Variants in UNC5C observed in about 807,000 individuals in gnomAD.
UNC5C encodes the protein netrin receptor UNC5C.
Under a neutral mutation model 99.8 loss-of-function variants are expected in UNC5C, and 47 were observed. The observed-to-expected ratio is 0.47, with a 90% confidence interval of 0.37 to 0.60. The LOEUF (loss-of-function observed/expected upper bound fraction) is 0.60, where lower values mean the gene tolerates loss of function less well. Ranked by LOEUF, UNC5C falls within the 20% of genes least tolerant of loss-of-function variation. The pLI is 0.00. For missense variants in UNC5C, 1,062 were observed against 1,165.9 expected (o/e 0.91, Z 1.30); for synonymous variants, 487 against 452.2 (o/e 1.08, Z -0.98).
intron 12 of UNC5C, among the ~76,000 whole-genome samples, chr4:95,187,200 T>G (rs528601193): frequency 6.6e-6 from 1 of 151,876 alleles, no homozygotes; most frequent in Admixed American, 6.5e-5. Flanking sequence ...GATGTTTGTT[T>G]ATAAGCCATT....
chr4:95,219,090 C>T lies in UNC5C; in HGVS notation c.1524G>A (p.Ser508=), dbSNP rs147827953. Residue 508 remains serine (S), a synonymous_variant, in exon 9 of 16, where the codon TCG becomes TCA. Transcript: ENST00000453304. ...GGCTGAGGGCTTCATTCTCCAACAA[C>T]GACTGGGTCATCTGAGGGGACAGCT... ...TSKLSPQMTQ[S]LLENEALSLK... The T allele has an allele frequency of 3.5e-4, 573 of 1,614,138 alleles. 2 individuals are homozygous for T. Among genetic ancestry groups the T allele is most frequent in the Middle Eastern group, 2.3e-3 (14 of 6,062 alleles).
chr4:95,528,467 A>G (rs142783693), intron 1 of UNC5C, among the ~76,000 whole-genome samples: 6 of 152,304 alleles, frequency 3.9e-5, no homozygotes, highest in Non-Finnish European at 8.8e-5. Flanking sequence ...CAGAGGACCA[A>G]TGAGACCATT....
intron 12 of UNC5C, among the ~76,000 whole-genome samples, chr4:95,193,590 C>T (rs985872543): frequency 6.6e-6 from 1 of 152,162 alleles, no homozygotes; most frequent in Non-Finnish European, 1.5e-5. Flanking sequence ...TTCTTCTGTT[C>T]ATTATCATGT....
At chr4:95,409,730 G>A (rs1421977731) in intron 1 of UNC5C, among the ~76,000 whole-genome samples, 1 of 152,134 alleles carries the variant, frequency 6.6e-6, no homozygotes, top group Non-Finnish European at 1.5e-5. Context: ...CACCCACTCT[G>A]CCCACCATTC....
At chr4:95,505,651 G>A (rs1342070737) in intron 1 of UNC5C, among the ~76,000 whole-genome samples, 1 of 152,044 alleles carries the variant, frequency 6.6e-6, no homozygotes, top group African/African-American at 2.4e-5. Context: ...GAAGCACATT[G>A]CATTTTTGTT....
Position 95,166,887 on chromosome 4 carries a change from CTTG to C in UNC5C, c.*2344_*2346del, listed in dbSNP as rs1385751214. Reference sequence around the variant, plus strand: ...CTCATTGCTACAAACATCCACTGAACTTGTTTATAGTGCAATCTCTCCCTTCCC... The same window carrying C: ...CTCATTGCTACAAACATCCACTGAACTTTATAGTGCAATCTCTCCCTTCCC... On this transcript the variant is annotated 3_prime_UTR_variant, in exon 16 of 16. Transcript: ENST00000453304. The C allele has an allele frequency of 6.6e-6, 1 of 152,096 alleles. No homozygotes were observed. Among genetic ancestry groups the C allele is most frequent in the Non-Finnish European group, 1.5e-5 (1 of 68,020 alleles). The allele number at this position is 152,096 out of a possible 1,614,324, so 9.4% of individuals were successfully genotyped here. A position where few individuals can be genotyped will look rare whatever the true frequency, so the allele number is the denominator to read the frequency against.
At chr4:95,171,806 G>A (rs1229793972) in intron 14 of UNC5C, among the ~76,000 whole-genome samples, 81 of 151,690 alleles carry the variant, frequency 5.3e-4, no homozygotes, top group South Asian at 5.0e-3. Flanking sequence ...TCCCTGAGGA[G>A]TCGCCACACT....
chr4:95,427,987 C>A (rs1250350787), intron 1 of UNC5C, among the ~76,000 whole-genome samples: 2 of 151,928 alleles, frequency 1.3e-5, no homozygotes, highest in Non-Finnish European at 1.5e-5. Flanking sequence ...AATTTGTATT[C>A]ATGACTACCA....
At chr4:95,408,667 T>G (rs1388208316) in intron 1 of UNC5C, among the ~76,000 whole-genome samples, 2 of 152,204 alleles carry the variant, frequency 1.3e-5, no homozygotes, top group East Asian at 3.8e-4. Context: ...CTGAAATATT[T>G]GTGCTTAGGG....
intron 5 of UNC5C, 151 bp from the exon 6 acceptor site, chr4:95,245,295 G>A: frequency 2.3e-6 from 2 of 877,254 alleles, no homozygotes; most frequent in East Asian, 3.0e-5. Flanking sequence ...AAGAGACCAT[G>A]GACCTCATTT....
intron 7 of UNC5C, among the ~76,000 whole-genome samples, chr4:95,234,756 C>T (rs74931143): frequency 0.039 from 5,981 of 152,090 alleles, 141 homozygotes; most frequent in Middle Eastern, 0.099. Flanking sequence ...TTTTTCAGGC[C>T]AGTGAGACTT....
intron 1 of UNC5C, among the ~76,000 whole-genome samples, chr4:95,403,412 T>C (rs1352486860): frequency 3.9e-5 from 6 of 152,126 alleles, no homozygotes; most frequent in Admixed American, 3.9e-4. Flanking sequence ...AGTGTGGAGA[T>C]GACAAGAAGG....
chr4:95,191,616 C>T (rs1224780152), intron 12 of UNC5C, among the ~76,000 whole-genome samples: 3 of 151,012 alleles, frequency 2.0e-5, no homozygotes, highest in Admixed American at 2.0e-4. Flanking sequence ...CTTCCCTGCT[C>T]GCACTCCTCT....
intron 3 of UNC5C, among the ~76,000 whole-genome samples, chr4:95,298,261 G>A (rs1046543758): frequency 2.0e-5 from 3 of 152,154 alleles, no homozygotes; most frequent in South Asian, 2.1e-4. Context: ...GCAATGAGCT[G>A]TGTTTGCGCC....
At position 95,163,791 on chromosome 4, in the gene UNC5C, T is replaced by C. The variant is rs1367518242; in HGVS notation, c.*5443A>G. The C allele has an allele frequency of 1.3e-5, 2 of 152,312 alleles. No individual in the cohort carries two copies. The highest frequency in any genetic ancestry group is 2.9e-5 in the Non-Finnish European group (2 of 68,030). The allele number at this position is 152,312 out of a possible 1,614,324, so 9.4% of individuals were successfully genotyped here. The stretch of plus-strand genomic sequence containing the variant: ...TAGTTGGGCCACAACTGTCACGACA[T>C]TCTGCAGAGATTCCCAACCTGGGAT... On this transcript the variant is annotated 3_prime_UTR_variant, in exon 16 of 16. Coordinates refer to ENST00000453304, the MANE Select transcript of UNC5C (RefSeq NM_003728.4).
intron 1 of UNC5C, among the ~76,000 whole-genome samples, chr4:95,355,232 G>C (rs1744139301): frequency 6.6e-6 from 1 of 152,054 alleles, no homozygotes; most frequent in Non-Finnish European, 1.5e-5. Context: ...ACAGTGTGTG[G>C]GTTACATGAA....
intron 1 of UNC5C, among the ~76,000 whole-genome samples, chr4:95,520,298 C>T (rs531064575): frequency 2.4e-4 from 37 of 152,108 alleles, no homozygotes; most frequent in African/African-American, 7.7e-4. Context: ...GATTATCTAC[C>T]GTAAGATTCA....
intron 1 of UNC5C, among the ~76,000 whole-genome samples, chr4:95,545,565 T>C (rs1470916723): frequency 7.2e-5 from 11 of 151,898 alleles, no homozygotes; most frequent in East Asian, 3.9e-4. Flanking sequence ...AAAAAAAAAC[T>C]ATGAATTAAG....
chr4:95,531,472 C>A (rs931238940), intron 1 of UNC5C, among the ~76,000 whole-genome samples: 1 of 152,216 alleles, frequency 6.6e-6, no homozygotes, highest in Non-Finnish European at 1.5e-5. Flanking sequence ...GAAGCAGTTA[C>A]TTGTTATAAT....
Sources: gnomAD v4.1 joint callset for allele counts (sites outside exome capture counted in the v4.1 genomes callset) on GRCh38, gnomAD v4.1.1 for gene constraint, MANE v1.5 for transcripts, NCBI Gene and HGNC (gene_info 2026-07-23, HGNC 2026-07-21) for gene names.